Variants in PLEKHA5 observed in about 807,000 individuals in gnomAD.
PLEKHA5 encodes the protein pleckstrin homology domain containing A5.
In PLEKHA5, 55 loss-of-function variants were observed where a neutral mutation model predicts 181.9. The observed-to-expected ratio is 0.30, with a 90% CI of 0.24 to 0.38. The LOEUF is 0.38. PLEKHA5 is among the 10% of genes least tolerant of loss of function. PLEKHA5 has a pLI of 1.00. For synonymous variants in PLEKHA5, 535 were observed against 529.4 expected (o/e 1.01, Z -0.15); for missense variants, 1,432 against 1,549.5 (o/e 0.92, Z 1.27).
intron 31 of PLEKHA5, among the ~76,000 whole-genome samples, chr12:19,374,221 T>C (rs2095656625): frequency 6.6e-6 from 1 of 152,038 alleles, no homozygotes; most frequent in Non-Finnish European, 1.5e-5. Context: ...ATCTTTTGGA[T>C]TCAGCTACGT....
rs1462822213 is a variant in PLEKHA5 at position 19,283,768 on chromosome 12, G to T, written c.1779+23G>T. ...AAGGTAAAATAGCTGCTGATTTTGT[G>T]TTAACTCACTACCTTATAAATGCTG... On this transcript the variant is annotated intron_variant, in intron 12 of 31. Coordinates refer to ENST00000429027, the MANE Select transcript of PLEKHA5 (RefSeq NM_001256470.2). 5 of 1,433,574 alleles carry T rather than the reference G, an allele frequency of 3.5e-6. No homozygotes were observed. In the South Asian group the frequency reaches 5.8e-5, roughly 17 times the overall value. 88.8% of individuals were successfully genotyped at this position (1,433,574 alleles called of 1,614,324 possible).
At chr12:19,187,871 T>G (rs2050210760) in intron 3 of PLEKHA5, among the ~76,000 whole-genome samples, 1 of 152,244 alleles carries the variant, frequency 6.6e-6, no homozygotes, top group Non-Finnish European at 1.5e-5. Flanking sequence ...GTGATCTGTT[T>G]CAATTTATGT....
At chr12:19,368,380 G>A (rs1346223438) in intron 30 of PLEKHA5, among the ~76,000 whole-genome samples, 2 of 152,174 alleles carry the variant, frequency 1.3e-5, no homozygotes, top group Non-Finnish European at 2.9e-5. Flanking sequence ...TATAGACCCA[G>A]CTTCTCAGGA....
chr12:19,269,680 G>T, intron 8 of PLEKHA5, 90 bp from the exon 9 acceptor site: 1 of 606,218 alleles, frequency 1.6e-6, no homozygotes, highest in Non-Finnish European at 2.9e-6. Flanking sequence ...TGATAGCAAC[G>T]TTCTATGTCA....
intron 3 of PLEKHA5, among the ~76,000 whole-genome samples, chr12:19,188,705 C>T (rs1380931121): frequency 6.6e-6 from 1 of 151,978 alleles, no homozygotes; most frequent in Non-Finnish European, 1.5e-5. Flanking sequence ...ACTTGTAATC[C>T]CTAAAGACAA....
chr12:19,183,331 T>C (rs2049034402), intron 3 of PLEKHA5, among the ~76,000 whole-genome samples: 1 of 152,212 alleles, frequency 6.6e-6, no homozygotes, highest in Admixed American at 6.5e-5. Context: ...TAGTTTCCTC[T>C]GAGTGCCAGA....
intron 3 of PLEKHA5, among the ~76,000 whole-genome samples, chr12:19,208,579 G>T (rs1482949585): frequency 6.6e-6 from 1 of 152,146 alleles, no homozygotes; most frequent in African/African-American, 2.4e-5. Flanking sequence ...GTTGGATTTG[G>T]TTTCCAGCTA....
intron 3 of PLEKHA5, among the ~76,000 whole-genome samples, chr12:19,240,440 G>GTTTT (rs199524525): frequency 7.7e-6 from 1 of 129,050 alleles, no homozygotes; most frequent in African/African-American, 2.8e-5. Context: ...TCATTAGGGA[G>GTTTT]TTTTTTTTTT....
chr12:19,336,584 C>A lies in PLEKHA5; in HGVS notation c.2518C>A (p.Gln840Lys). The A allele has an allele frequency of 6.2e-7, 1 of 1,602,218 alleles. No individual in the cohort carries two copies. The change falls in exon 21 of 32, where the codon CAA (glutamine) becomes AAA (lysine). Residue 840 changes from glutamine (Q) to lysine (K), a missense_variant. This residue lies in a region of PLEKHA5 where 1,143 missense variants were observed against 1,168.4 expected (regional missense o/e 0.98). Coordinates refer to ENST00000429027, the MANE Select transcript of PLEKHA5 (RefSeq NM_001256470.2). Reference sequence around the variant, plus strand: ...TGTAACTGTTACCAGGAACCAGATGCAAGAGCAGCTGGATCACCTTGGTGA... The same window carrying A: ...TGTAACTGTTACCAGGAACCAGATGAAAGAGCAGCTGGATCACCTTGGTGA... ...YDVTVTRNQM[Q>K]EQLDHLGEVQ...
intron 3 of PLEKHA5, among the ~76,000 whole-genome samples, chr12:19,161,993 A>T (rs1446823636): frequency 6.6e-6 from 1 of 152,172 alleles, no homozygotes; most frequent in Non-Finnish European, 1.5e-5. Context: ...TTTGATATGA[A>T]ATATCTAAAT....
chr12:19,253,190 T>C (rs1289677818), intron 3 of PLEKHA5, among the ~76,000 whole-genome samples: 1 of 146,286 alleles, frequency 6.8e-6, no homozygotes, highest in Non-Finnish European at 1.5e-5. Context: ...TTCTCCTGCC[T>C]CAGCCTCCCG....
At chr12:19,260,619 G>T (rs532105643) in intron 6 of PLEKHA5, among the ~76,000 whole-genome samples, 1 of 152,268 alleles carries the variant, frequency 6.6e-6, no homozygotes, top group East Asian at 1.9e-4. Context: ...CACTTCGGAA[G>T]GCCAAGGCGG....
In PLEKHA5 at chr12:19,345,863, T is replaced by C; in HGVS notation, c.2684T>C (p.Phe895Ser). Residue 895 changes from phenylalanine (F) to serine (S), a missense_variant, in exon 23 of 32, where the codon TTC becomes TCC. Phe to Ser is a radical substitution (Grantham distance 155). Transcript: ENST00000429027. ...TEIGMIGSKPFSTVKYKNEEE... is the reference protein window; with the variant it reads ...TEIGMIGSKPSSTVKYKNEEE... ...CCAGGTATGATAGGATCAAAGCCTT[T>C]CTCAACAGTTAAGTACAAAAATGAG... is the stretch of plus-strand genomic sequence containing the variant. The C allele has an allele frequency of 6.7e-7, 1 of 1,489,394 alleles. No homozygotes were observed. The highest frequency in any genetic ancestry group is 9.3e-7 in the Non-Finnish European group (1 of 1,072,392). The allele number at this position is 1,489,394 out of a possible 1,614,324, so 92.3% of individuals were successfully genotyped here.
intron 15 of PLEKHA5, among the ~76,000 whole-genome samples, chr12:19,299,917 G>A (rs958642059): frequency 4.6e-5 from 7 of 152,034 alleles, no homozygotes; most frequent in Admixed American, 2.0e-4. Flanking sequence ...CCACCACCAC[G>A]CCACAACTTG....
chr12:19,144,096 A>G (rs1259998466), intron 3 of PLEKHA5, among the ~76,000 whole-genome samples: 2 of 152,214 alleles, frequency 1.3e-5, no homozygotes, highest in Admixed American at 1.3e-4. Context: ...TCATTTCTCC[A>G]TAACTGCAAT....
chr12:19,282,907 C>CAT (rs1295799715), intron 11 of PLEKHA5, among the ~76,000 whole-genome samples: 2 of 151,686 alleles, frequency 1.3e-5, no homozygotes, highest in Non-Finnish European at 2.9e-5. Flanking sequence ...TAAAAAAATA[C>CAT]ATTCTAAGCT....
chr12:19,335,887 C>T lies in PLEKHA5; in HGVS notation c.2449-628C>T, dbSNP rs369278794. Among the ~76,000 whole-genome samples, 339 of 152,226 alleles carry T rather than the reference C, an allele frequency of 2.2e-3. 1 individual carries two copies. The highest frequency in any genetic ancestry group is 4.0e-3 in the Non-Finnish European group (275 of 68,010). On this transcript the variant is annotated intron_variant, in intron 20 of 31. Transcript: ENST00000429027. ...GCTCAAGTGATCTGCCCCCGTCAGC[C>T]TCCCAAAGTGCTGAGATTACAGATG... is the stretch of plus-strand genomic sequence containing the variant.
intron 3 of PLEKHA5, among the ~76,000 whole-genome samples, chr12:19,188,328 C>T (rs965515426): frequency 2.0e-5 from 3 of 152,180 alleles, no homozygotes; most frequent in African/African-American, 7.2e-5. Context: ...TGTTATTTCC[C>T]TCCTCTTTCT....
chr12:19,264,788 CA>C lies in PLEKHA5; in HGVS notation c.611-956del, dbSNP rs1248168835. Among the ~76,000 whole-genome samples, 8 of 20,964 alleles carry C rather than the reference CA, an allele frequency of 3.8e-4. No homozygotes were observed. The East Asian group carries it at 4.2e-3, about 11-fold the overall frequency. The allele number at this position is 20,964 out of a possible 152,430, so 13.8% of individuals were successfully genotyped here. On this transcript the variant is annotated intron_variant, in intron 7 of 31. Coordinates refer to ENST00000429027, the MANE Select transcript of PLEKHA5 (RefSeq NM_001256470.2). Reference sequence around the variant, plus strand: ...TTAAGTTTTTGATAATTAGGAAAAACAAAAAAGTCACACACAGCAAACATAA... The same window carrying C: ...TTAAGTTTTTGATAATTAGGAAAAACAAAAAGTCACACACAGCAAACATAA...
Sources: allele counts gnomAD v4.1 joint callset (sites outside exome capture counted in the v4.1 genomes callset), GRCh38; gene constraint gnomAD v4.1.1; regional missense constraint gnomAD v4.1.1; transcripts MANE v1.5; gene names NCBI Gene and HGNC (gene_info 2026-07-23, HGNC 2026-07-21).